TMEM74: variants seen among roughly 807,000 people sequenced by gnomAD.
TMEM74 encodes the protein transmembrane protein 74.
Under a neutral mutation model 18.1 loss-of-function variants are expected in TMEM74, and 13 were observed. The observed-to-expected ratio is 0.72, with a 90% CI of 0.47 to 1.14. TMEM74 has a LOEUF of 1.14. Ranked by LOEUF, TMEM74 falls within the 50% of genes most tolerant of loss-of-function variation. The probability of loss-of-function intolerance (pLI) is 0.00; values close to 1 mark genes in which losing one functional copy is unlikely to be tolerated. For synonymous variants in TMEM74, 159 were observed against 146.6 expected (o/e 1.08, Z -0.61); for missense variants, 372 against 375.9 (o/e 0.99, Z 0.09).
intron 1 of TMEM74, among the ~76,000 whole-genome samples, chr8:108,735,777 A>G (rs1586278214): frequency 6.6e-6 from 1 of 152,016 alleles, no homozygotes; most frequent in Non-Finnish European, 1.5e-5. Flanking sequence ...TATATTGCCC[A>G]CTCCTTAATA....
intron 2 of TMEM74, among the ~76,000 whole-genome samples, chr8:108,650,702 T>TTTTATTTATTTATTTATTTATTTATTTA (rs71564014): frequency 6.7e-4 from 101 of 151,062 alleles, no homozygotes; most frequent in African/African-American, 2.4e-3. Context: ...GAGGCATTCT[T>TTTTATTTATTTATTTATTTATTTATTTA]TTTATTTATT....
chr8:108,684,653 G>A (rs1398713556), intron 1 of TMEM74, among the ~76,000 whole-genome samples: 3 of 150,412 alleles, frequency 2.0e-5, no homozygotes, highest in South Asian at 2.1e-4. Flanking sequence ...GCTTTTCCCA[G>A]ACCAATATCT....
chr8:108,749,434 T>C (rs900485965), intron 1 of TMEM74, among the ~76,000 whole-genome samples: 2 of 152,198 alleles, frequency 1.3e-5, no homozygotes, highest in African/African-American at 4.8e-5. Flanking sequence ...AGTTCATACA[T>C]GATTTGGCTC....
intron 1 of TMEM74, among the ~76,000 whole-genome samples, chr8:108,704,133 G>T (rs1215907229): frequency 6.6e-6 from 1 of 152,194 alleles, no homozygotes; most frequent in Non-Finnish European, 1.5e-5. Flanking sequence ...AGGTCAACTT[G>T]CCTGTTTATA....
Position 108,735,555 on chromosome 8 carries a change from G to A in TMEM74, n.119+51921C>T, listed in dbSNP as rs555669342. Reference sequence around the variant, plus strand: ...GTATCAGTCCTTCATTCCTCTTTATGGCTAAATAATATTCTATTGTATAGA... The same window carrying A: ...GTATCAGTCCTTCATTCCTCTTTATAGCTAAATAATATTCTATTGTATAGA... On this transcript the variant is annotated intron_variant and non_coding_transcript_variant, in intron 1 of 3. Coordinates refer to the TMEM74 transcript ENST00000518838. Among the ~76,000 whole-genome samples, 5 of 152,202 alleles carry A rather than the reference G, an allele frequency of 3.3e-5. No individual in the cohort carries two copies. The South Asian group carries it at 1.0e-3, about 32-fold the overall frequency.
At chr8:108,702,359 A>G (rs1476709777) in intron 1 of TMEM74, among the ~76,000 whole-genome samples, 31 of 151,414 alleles carry the variant, frequency 2.0e-4, no homozygotes, top group East Asian at 3.9e-4. Context: ...AAAAAAAAAA[A>G]AAAGAAAGAA....
chr8:108,611,099 C>T (rs941912288), intron 2 of TMEM74, among the ~76,000 whole-genome samples: 6 of 152,138 alleles, frequency 3.9e-5, no homozygotes, highest in Admixed American at 6.6e-5. Context: ...TTATCCAGAG[C>T]AGTCAATATT....
chr8:108,650,741 G>A (rs1347228749), intron 2 of TMEM74, among the ~76,000 whole-genome samples: 1 of 139,792 alleles, frequency 7.2e-6, no homozygotes, highest in Non-Finnish European at 1.6e-5. Context: ...ATGAAGGCTT[G>A]CTCTTGTCCC....
chr8:108,749,163 T>G (rs1478957754), intron 1 of TMEM74, among the ~76,000 whole-genome samples: 1 of 125,608 alleles, frequency 8.0e-6, no homozygotes, highest in Admixed American at 7.8e-5. Context: ...AAAATAGTTG[T>G]TGTTTTTTTT....
At chr8:108,675,450 T>C (rs1286148670) in intron 1 of TMEM74, among the ~76,000 whole-genome samples, 2 of 152,172 alleles carry the variant, frequency 1.3e-5, no homozygotes, top group Non-Finnish European at 2.9e-5. Context: ...TCCTGCAAAA[T>C]GTAACAGGAA....
chr8:108,644,599 G>A (rs868581179), intron 2 of TMEM74, among the ~76,000 whole-genome samples: 9 of 152,170 alleles, frequency 5.9e-5, no homozygotes, highest in African/African-American at 1.9e-4. Context: ...TGCAAACTAT[G>A]CATCTGACAA....
intron 1 of TMEM74, among the ~76,000 whole-genome samples, chr8:108,706,871 A>T (rs2130619971): frequency 6.6e-6 from 1 of 152,086 alleles, no homozygotes; most frequent in South Asian, 2.1e-4. Flanking sequence ...AGACACTAAG[A>T]TAAAAGTACA....
At chr8:108,728,381 T>C (rs1055371776) in intron 1 of TMEM74, among the ~76,000 whole-genome samples, 6 of 152,192 alleles carry the variant, frequency 3.9e-5, no homozygotes, top group Non-Finnish European at 8.8e-5. Context: ...GATATCAGCA[T>C]GAATATTTCA....
At chr8:108,628,187 C>G (rs1259687659) in intron 2 of TMEM74, among the ~76,000 whole-genome samples, 1 of 152,038 alleles carries the variant, frequency 6.6e-6, no homozygotes, top group Non-Finnish European at 1.5e-5. Context: ...ATAGTCTGGT[C>G]TATAATGGAA....
At chr8:108,773,856 T>C (rs1159799257) in intron 1 of TMEM74, among the ~76,000 whole-genome samples, 1 of 152,182 alleles carries the variant, frequency 6.6e-6, no homozygotes, top group African/African-American at 2.4e-5. Context: ...ACAGCGTGAC[T>C]GAAACCTTAT....
intron 1 of TMEM74, among the ~76,000 whole-genome samples, chr8:108,689,716 G>A (rs377557849): frequency 6.6e-6 from 1 of 152,108 alleles, no homozygotes; most frequent in African/African-American, 2.4e-5. Flanking sequence ...AACACATATG[G>A]CTTTCTTCCA....
At chr8:108,706,261 T>C (rs767108096) in intron 1 of TMEM74, among the ~76,000 whole-genome samples, 70 of 152,244 alleles carry the variant, frequency 4.6e-4, no homozygotes, top group Non-Finnish European at 8.1e-4. Context: ...TTCCATTTAA[T>C]TTATAAAAAT....
At chr8:108,624,116 G>T (rs1164633227) in intron 2 of TMEM74, among the ~76,000 whole-genome samples, 2 of 152,018 alleles carry the variant, frequency 1.3e-5, no homozygotes, top group African/African-American at 4.8e-5. Flanking sequence ...CCTACCCAAT[G>T]AATTGTATTA....
chr8:108,687,378 C>A (rs1022671576), intron 1 of TMEM74, among the ~76,000 whole-genome samples: 12 of 151,912 alleles, frequency 7.9e-5, no homozygotes, highest in African/African-American at 2.9e-4. Context: ...TTGCGGCAAA[C>A]ACAACAGAAA....
Sources: gnomAD v4.1 joint callset for allele counts (sites outside exome capture counted in the v4.1 genomes callset) on GRCh38, gnomAD v4.1.1 for gene constraint, MANE v1.5 for transcripts, NCBI Gene and HGNC (gene_info 2026-07-23, HGNC 2026-07-21) for gene names.